The following MGAT4C variants were observed in gnomAD, a reference collection of about 807,000 sequenced individuals.
The protein encoded by MGAT4C is MGAT4 family member C, also known as alpha-1,3-mannosyl-glycoprotein 4-beta-N-acetylglucosaminyltransferase C.
In MGAT4C, 19 loss-of-function variants were observed where a neutral mutation model predicts 40.1. That is an observed-to-expected ratio of 0.47 (90% CI 0.33 to 0.70). The LOEUF (loss-of-function observed/expected upper bound fraction) is 0.70. Among genes scored for constraint, MGAT4C ranks in the 30% least tolerant of loss-of-function variants. The pLI is 0.02. For missense variants in MGAT4C, 491 were observed against 563.2 expected, an observed-to-expected ratio of 0.87 and a Z score of 1.30; for synonymous variants, 181 against 187.1, an observed-to-expected ratio of 0.97 and a Z score of 0.27.
chr12:86,495,933 T>C (rs560896600), intron 2 of MGAT4C, among the ~76,000 whole-genome samples: 1 of 152,074 alleles, frequency 6.6e-6, no homozygotes, highest in East Asian at 1.9e-4. Flanking sequence ...TCCTAACCCT[T>C]CCCTAATTCC....
intron 1 of MGAT4C, among the ~76,000 whole-genome samples, chr12:86,160,766 G>A: frequency 6.6e-6 from 1 of 152,046 alleles, no homozygotes; most frequent in East Asian, 1.9e-4. Context: ...AATGTTGGAT[G>A]CATATATATT....
intron 4 of MGAT4C, among the ~76,000 whole-genome samples, chr12:86,307,969 C>T (rs1452866521): frequency 6.6e-6 from 1 of 150,670 alleles, no homozygotes; most frequent in African/African-American, 2.5e-5. Context: ...TCCCAAAGTG[C>T]TGGGATTACA....
intron 2 of MGAT4C, among the ~76,000 whole-genome samples, chr12:86,645,504 A>G (rs1215558949): frequency 6.6e-6 from 1 of 151,810 alleles, no homozygotes; most frequent in Non-Finnish European, 1.5e-5. Flanking sequence ...ATTTTCAGAC[A>G]GGGAACAATA....
At chr12:86,784,586 T>C (rs1343606440) in intron 1 of MGAT4C, among the ~76,000 whole-genome samples, 2 of 150,988 alleles carry the variant, frequency 1.3e-5, no homozygotes, top group South Asian at 4.2e-4. Flanking sequence ...GTTAAAATCA[T>C]GACAAGAGAT....
chr12:86,189,049 A>G (rs768282098), intron 1 of MGAT4C, among the ~76,000 whole-genome samples: 12 of 152,056 alleles, frequency 7.9e-5, no homozygotes, highest in Admixed American at 4.6e-4. Context: ...CTTTCTCTGT[A>G]AAGTTAAGTC....
rs1299584645 is a variant in MGAT4C, at chr12:85,976,327, C to A, written c.*2962G>T. On this transcript the variant is annotated 3_prime_UTR_variant, in exon 5 of 5. Coordinates refer to ENST00000611864, the MANE Select transcript of MGAT4C (RefSeq NM_001351288.2). ...TTCAATGAATATGAAAAAGTTCTTG[C>A]ATTAACATATTTTATGTATCTTTTA... is the stretch of plus-strand genomic sequence containing the variant. 4 of 150,904 alleles carry A rather than the reference C, an allele frequency of 2.7e-5. No homozygotes were observed. Among genetic ancestry groups the A allele is most frequent in the Admixed American group, 2.6e-4 (4 of 15,100 alleles). The allele number at this position is 150,904 out of a possible 1,614,324, so 9.3% of individuals were successfully genotyped here.
intron 2 of MGAT4C, among the ~76,000 whole-genome samples, chr12:86,507,835 G>A (rs1958497903): frequency 6.6e-6 from 1 of 152,044 alleles, no homozygotes. Flanking sequence ...TGGAAATCAG[G>A]AAGTGTGATG....
chr12:86,367,499 C>G (rs1338694970), intron 3 of MGAT4C, among the ~76,000 whole-genome samples: 1 of 152,140 alleles, frequency 6.6e-6, no homozygotes, highest in Non-Finnish European at 1.5e-5. Flanking sequence ...ACCCTGAATC[C>G]TTAAAAACTC....
intron 2 of MGAT4C, among the ~76,000 whole-genome samples, chr12:86,449,806 A>T (rs1166279593): frequency 6.6e-6 from 1 of 152,158 alleles, no homozygotes; most frequent in Non-Finnish European, 1.5e-5. Flanking sequence ...TAATGGTTTT[A>T]TGACCACATC....
At chr12:86,023,710 T>A (rs1889989815) in intron 2 of MGAT4C, among the ~76,000 whole-genome samples, 1 of 150,606 alleles carries the variant, frequency 6.6e-6, no homozygotes, top group South Asian at 2.1e-4. Context: ...TGTAGCCACT[T>A]GAAGCAGTAA....
chr12:86,720,793 G>A lies in MGAT4C; in HGVS notation c.-229+6416C>T, dbSNP rs377642154. On this transcript the variant is annotated intron_variant, in intron 2 of 7. Transcript: ENST00000548651. ...ATGTTAAAAATGAAATTTGGATTTA[G>A]TCATTATAAAGTAGAGGCATTGTTT... 9.2e-5 allele frequency among the ~76,000 whole-genome samples: 14 copies of A among 152,254 alleles called. No homozygotes were observed. In the East Asian group the frequency reaches 1.5e-3, roughly 17 times the overall value.
intron 4 of MGAT4C, among the ~76,000 whole-genome samples, chr12:86,293,720 C>CA (rs1302520864): frequency 6.6e-6 from 1 of 152,158 alleles, no homozygotes; most frequent in African/African-American, 2.4e-5. Context: ...GTCAAGGGAG[C>CA]ACCCAGGTGG....
chr12:86,655,925 C>T (rs970501572), intron 2 of MGAT4C, among the ~76,000 whole-genome samples: 1 of 151,950 alleles, frequency 6.6e-6, no homozygotes, highest in Non-Finnish European at 1.5e-5. Flanking sequence ...CTGATGCTCA[C>T]GAGTTGTGTG....
At chr12:86,285,776 G>A (rs555098578) in intron 4 of MGAT4C, among the ~76,000 whole-genome samples, 2 of 151,872 alleles carry the variant, frequency 1.3e-5, no homozygotes, top group East Asian at 1.9e-4. Context: ...ATTGCAAATT[G>A]CCTAAAGATC....
At chr12:86,637,590 G>T (rs1205531367) in intron 2 of MGAT4C, among the ~76,000 whole-genome samples, 1 of 151,712 alleles carries the variant, frequency 6.6e-6, no homozygotes, top group Non-Finnish European at 1.5e-5. Flanking sequence ...GACTTAGGAG[G>T]ATATTCTCAC....
intron 1 of MGAT4C, among the ~76,000 whole-genome samples, chr12:86,827,124 T>C (rs1952822916): frequency 6.6e-6 from 1 of 151,422 alleles, no homozygotes; most frequent in Non-Finnish European, 1.5e-5. Context: ...CTATTTACTG[T>C]AAAACTGCTT....
At chr12:86,408,479 C>CTCTGTATATATATATA (rs1267344319) in intron 3 of MGAT4C, among the ~76,000 whole-genome samples, 5 of 63,366 alleles carry the variant, frequency 7.9e-5, no homozygotes, top group African/African-American at 3.9e-4. Flanking sequence ...CTCTCTCTCT[C>CTCTGTATATATATATA]TATATATATA....
intron 1 of MGAT4C, among the ~76,000 whole-genome samples, chr12:86,807,245 A>C (rs1190990314): frequency 2.6e-5 from 4 of 151,978 alleles, no homozygotes; most frequent in African/African-American, 9.7e-5. Flanking sequence ...CTCAACATGC[A>C]TTAGCTATTT....
At chr12:86,211,248 C>T (rs1208905066) in intron 1 of MGAT4C, among the ~76,000 whole-genome samples, 1 of 145,918 alleles carries the variant, frequency 6.9e-6, no homozygotes, top group Non-Finnish European at 1.5e-5. Flanking sequence ...CATATCCTAA[C>T]AAGGGCTTTT....
Sources: gnomAD v4.1 joint callset for allele counts (sites outside exome capture counted in the v4.1 genomes callset) on GRCh38, gnomAD v4.1.1 for gene constraint, MANE v1.5 for transcripts, NCBI Gene and HGNC (gene_info 2026-07-23, HGNC 2026-07-21) for gene names.